HSPA4: variants seen among roughly 807,000 people sequenced by gnomAD.
HSPA4 encodes the protein heat shock 70 kDa protein 4.
A neutral mutation model predicts 106.2 loss-of-function variants in HSPA4; 25 were observed. The ratio of observed to expected loss-of-function variants is 0.24; its 90% confidence interval spans 0.17 to 0.33. The LOEUF (loss-of-function observed/expected upper bound fraction) is 0.33. Among genes scored for constraint, HSPA4 ranks in the 10% least tolerant of loss-of-function variants. The probability of loss-of-function intolerance (pLI) is 1.00; values close to 1 mark genes in which losing one functional copy is unlikely to be tolerated. For missense variants in HSPA4, 841 were observed against 996.0 expected (o/e 0.84, Z 2.10); for synonymous variants, 332 against 333.6 (o/e 1.00, Z 0.05).
At position 133,106,101 on chromosome 5, in the gene HSPA4, A is replaced by ATTTTTTT. The variant is rs1765854579; in HGVS notation, c.*1665_*1666insTTTTTTT. ...GGCCATTTCTTCTTAAAAAAAAAAA[A>ATTTTTTT]ATTTTTTTTTTTTTTTTTTTTTTTT... On this transcript the variant is annotated 3_prime_UTR_variant, in exon 19 of 19. Coordinates refer to ENST00000304858, the MANE Select transcript of HSPA4 (RefSeq NM_002154.4). 1.0e-4 allele frequency: 8 copies of ATTTTTTT among 80,242 alleles called. No individual in the cohort carries two copies. The South Asian group carries it at 1.4e-3, about 14-fold the overall frequency. 5.0% of individuals were successfully genotyped at this position (80,242 alleles called of 1,614,324 possible).
intron 9 of HSPA4, 108 bp downstream of exon 9, chr5:133,088,663 T>C: frequency 2.3e-6 from 2 of 884,302 alleles, no homozygotes; most frequent in South Asian, 1.6e-5. Context: ...CTTCAGGGTG[T>C]TGAGATTCCA....
intron 1 of HSPA4, chr5:133,053,051 A>G (rs954958695): frequency 1.3e-5 from 2 of 152,238 alleles, no homozygotes; most frequent in Non-Finnish European, 2.9e-5. Context: ...GTGCGCGTTA[A>G]CCCCTCAATA....
intron 1 of HSPA4, among the ~76,000 whole-genome samples, chr5:133,061,368 C>T (rs1765240208): frequency 2.0e-5 from 3 of 151,930 alleles, no homozygotes; most frequent in African/African-American, 4.8e-5. Flanking sequence ...GTGATCCACC[C>T]GCCTTGGCCT....
intron 1 of HSPA4, among the ~76,000 whole-genome samples, chr5:133,060,551 C>T (rs748108180): frequency 1.4e-4 from 22 of 151,840 alleles, no homozygotes; most frequent in Non-Finnish European, 2.8e-4. Context: ...TTAGTAGAGA[C>T]GGGTTTCACC....
intron 17 of HSPA4, among the ~76,000 whole-genome samples, chr5:133,102,391 T>A (rs1765798175): frequency 6.6e-6 from 1 of 152,250 alleles, no homozygotes; most frequent in South Asian, 2.1e-4. Context: ...ATAGGTGGAA[T>A]CTGGAATTGA....
At chr5:133,098,290 TTTTC>T (rs1389265157) in intron 15 of HSPA4, among the ~76,000 whole-genome samples, 2 of 152,020 alleles carry the variant, frequency 1.3e-5, no homozygotes, top group African/African-American at 4.8e-5. Context: ...ATATACCACG[TTTTC>T]TTTATTTTAT....
Position 133,073,210 on chromosome 5 carries a change from A to G in HSPA4, c.430-20A>G, listed in dbSNP as rs766264363. On this transcript the variant is annotated intron_variant, in intron 4 of 18. Coordinates refer to ENST00000304858, the MANE Select transcript of HSPA4 (RefSeq NM_002154.4). ...AATTAGAATCTATAATACAGTAAGC[A>G]TTCTTTTTTTTTTTTGTAGGTTCCT... 2 of 1,412,258 alleles carry G rather than the reference A, an allele frequency of 1.4e-6. No homozygotes were observed. Among genetic ancestry groups the G allele is most frequent in the Non-Finnish European group, 2.0e-6 (2 of 1,019,046 alleles). The allele number at this position is 1,412,258 out of a possible 1,614,324, so 87.5% of individuals were successfully genotyped here.
chr5:133,072,392 G>GTTTTTTTTTTTTTTT lies in HSPA4; in HGVS notation c.430-829_430-815dup, dbSNP rs748459297. 1.2e-4 allele frequency among the ~76,000 whole-genome samples: 9 copies of GTTTTTTTTTTTTTTT among 75,732 alleles called. 1 individual carries two copies. Among genetic ancestry groups the GTTTTTTTTTTTTTTT allele is most frequent in the African/African-American group, 4.8e-4 (9 of 18,870 alleles). The allele number at this position is 75,732 out of a possible 152,430, so 49.7% of individuals were successfully genotyped here. ...GTTCTGCCTAGCCTGGTCCAGGGTT[G>GTTTTTTTTTTTTTTT]TTTTTTTTTTTTTTTTTTTTTTTGG... On this transcript the variant is annotated intron_variant, in intron 4 of 18. Coordinates refer to ENST00000304858, the MANE Select transcript of HSPA4 (RefSeq NM_002154.4).
intron 4 of HSPA4, among the ~76,000 whole-genome samples, chr5:133,071,082 G>A (rs1340086868): frequency 2.0e-5 from 3 of 151,846 alleles, no homozygotes; most frequent in Admixed American, 1.3e-4. Context: ...ATAGCACAGG[G>A]TAGCCACTCA....
At chr5:133,089,013 T>G in intron 9 of HSPA4, 42 bp from the exon 10 acceptor site, 2 of 1,065,564 alleles carry the variant, frequency 1.9e-6, no homozygotes, top group Non-Finnish European at 2.8e-6. Context: ...GTTTATATTG[T>G]CTATACTTGT....
At chr5:133,058,415 C>T (rs187143469) in intron 1 of HSPA4, among the ~76,000 whole-genome samples, 5 of 152,252 alleles carry the variant, frequency 3.3e-5, no homozygotes, top group Non-Finnish European at 4.4e-5. Context: ...CAGTGGCTCA[C>T]GCCTGTAATC....
intron 7 of HSPA4, 94 bp downstream of exon 7, chr5:133,076,992 G>C (rs1765454026): frequency 1.8e-6 from 2 of 1,130,316 alleles, no homozygotes; most frequent in Non-Finnish European, 2.5e-6. Flanking sequence ...TAATCACGGA[G>C]GTTATATGAT....
intron 6 of HSPA4, among the ~76,000 whole-genome samples, chr5:133,075,315 ACT>A (rs1230099574): frequency 1.3e-5 from 2 of 151,796 alleles, no homozygotes; most frequent in East Asian, 1.9e-4. Context: ...TAAACGGAAG[ACT>A]CTGGTTATAA....
chr5:133,056,889 T>A (rs1765172018), intron 1 of HSPA4, among the ~76,000 whole-genome samples: 1 of 150,588 alleles, frequency 6.6e-6, no homozygotes, highest in African/African-American at 2.5e-5. Context: ...AACTTATACC[T>A]TTTTTTTTGC....
At chr5:133,071,845 A>G (rs1279091432) in intron 4 of HSPA4, among the ~76,000 whole-genome samples, 7 of 152,208 alleles carry the variant, frequency 4.6e-5, no homozygotes, top group Non-Finnish European at 1.0e-4. Context: ...TTATAGAAGA[A>G]TGAAAATTCT....
rs1765760081 is a variant in HSPA4, at chr5:133,099,579, C to T, written c.1964C>T (p.Thr655Ile). 1 of 1,601,394 alleles carries T rather than the reference C, an allele frequency of 6.2e-7. No homozygotes were observed. The highest frequency in any genetic ancestry group is 1.7e-5 in the Admixed American group (1 of 59,870). The change falls in exon 16 of 19, where the codon ACT (threonine) becomes ATT (isoleucine). Residue 655 changes from threonine to isoleucine, a missense_variant. By Grantham distance (89) the Thr-to-Ile change is moderately conservative. Around this residue, in one of 5 missense-constraint regions of HSPA4, gnomAD observed 328 missense variants for 372.2 expected, o/e 0.88. Coordinates refer to ENST00000304858, the MANE Select transcript of HSPA4 (RefSeq NM_002154.4). ...AGTTTTACTTTGAAACTGGAAGATACTGAAAATTGGTTGTATGAGGATGGA... is the reference window on the plus strand; with the variant it reads ...AGTTTTACTTTGAAACTGGAAGATATTGAAAATTGGTTGTATGAGGATGGA... ...RNSFTLKLED[T>I]ENWLYEDGED...
rs753614224 is a variant in HSPA4, at chr5:133,089,055, T to A, written c.1138T>A (p.Cys380Ser). The change falls in exon 10 of 19, where the codon TGT becomes AGT. Residue 380 changes from cysteine (C) to serine (S), a missense_variant and splice_region_variant. Cys to Ser is a moderately radical substitution (Grantham distance 112). This residue lies in a region of HSPA4 where 162 missense variants were observed against 177.7 expected (regional missense o/e 0.91). Transcript: ENST00000304858. ...EAVTRGCALQ[C>S]AILSPAFKVR... ...GAATTTTTGAAAATTATTATTCTAG[T>A]GTGCCATCTTATCGCCTGCTTTCAA... The A allele has an allele frequency of 6.4e-7, 1 of 1,561,450 alleles. No homozygotes were observed. The highest frequency in any genetic ancestry group is 2.3e-5 in the East Asian group (1 of 44,264).
At chr5:133,058,304 G>T (rs973166343) in intron 1 of HSPA4, among the ~76,000 whole-genome samples, 1 of 151,990 alleles carries the variant, frequency 6.6e-6, no homozygotes, top group Non-Finnish European at 1.5e-5. Flanking sequence ...ATCACTTGAG[G>T]TTAGTGATCA....
chr5:133,102,297 G>A (rs1765795388), intron 17 of HSPA4, among the ~76,000 whole-genome samples: 1 of 152,142 alleles, frequency 6.6e-6, no homozygotes, highest in Non-Finnish European at 1.5e-5. Flanking sequence ...TTGTTTAATA[G>A]CACTTTTTAT....
Sources: gnomAD v4.1 joint callset for allele counts (sites outside exome capture counted in the v4.1 genomes callset) on GRCh38, gnomAD v4.1.1 for gene constraint, gnomAD v4.1.1 regional missense constraint, MANE v1.5 for transcripts, NCBI Gene and HGNC (gene_info 2026-07-23, HGNC 2026-07-21) for gene names.